Variants in COL6A5 observed in about 807,000 individuals in gnomAD.
COL6A5 encodes the protein collagen type VI alpha 5 chain.
A neutral mutation model predicts 65.6 loss-of-function variants in COL6A5; 48 were observed. The ratio of observed to expected loss-of-function variants is 0.73; its 90% CI spans 0.58 to 0.93. The LOEUF (loss-of-function observed/expected upper bound fraction) is 0.93. Among genes scored for constraint, COL6A5 ranks in the 40% least tolerant of loss-of-function variants. The pLI, the probability that COL6A5 is intolerant of heterozygous loss-of-function variation, is 0.00. For synonymous variants in COL6A5, 291 were observed against 322.8 expected, an observed-to-expected ratio of 0.90 and a Z score of 1.05; for missense variants, 914 against 928.3, an observed-to-expected ratio of 0.98 and a Z score of 0.20.
chr3:130,358,679 A>G (rs1490812063), intron 1 of COL6A5, among the ~76,000 whole-genome samples: 1 of 152,182 alleles, frequency 6.6e-6, no homozygotes, highest in Non-Finnish European at 1.5e-5. Context: ...CAAAACTTCA[A>G]AAGTATGTTG....
At chr3:130,384,782 A>G (rs1297327741) in intron 4 of COL6A5, 22 bp from the exon 5 acceptor site, 1 of 1,500,176 alleles carries the variant, frequency 6.7e-7, no homozygotes. Flanking sequence ...TCTAATTTAC[A>G]GAGAATGCAC....
At chr3:130,396,494 T>C (rs549603465) in intron 8 of COL6A5, among the ~76,000 whole-genome samples, 3 of 152,354 alleles carry the variant, frequency 2.0e-5, no homozygotes, top group African/African-American at 4.8e-5. Flanking sequence ...ATGAACAACC[T>C]GGGCAGGATC....
At chr3:130,427,545 G>A (rs1937630142), upstream of COL6A5, among the ~76,000 whole-genome samples, 1 of 152,076 alleles carries the variant, frequency 6.6e-6, no homozygotes, top group South Asian at 2.1e-4. Context: ...AAGATGATTA[G>A]TTTACATATT....
chr3:130,427,226 T>C (rs1937623297), upstream of COL6A5, among the ~76,000 whole-genome samples: 1 of 152,168 alleles, frequency 6.6e-6, no homozygotes, highest in South Asian at 2.1e-4. Context: ...AAACAAGTAC[T>C]AGAAGCAAAA....
chr3:130,397,197 A>C (rs1559878363), intron 8 of COL6A5, among the ~76,000 whole-genome samples: 1 of 152,188 alleles, frequency 6.6e-6, no homozygotes, highest in African/African-American at 2.4e-5. Flanking sequence ...GACTATGTGA[A>C]TCAAAATATG....
exon 26 of COL6A5, chr3:130,421,177 G>C: frequency 1.3e-6 from 2 of 1,550,638 alleles, no homozygotes; most frequent in Non-Finnish European, 1.7e-6. Context: ...CCCAGGCTAC[G>C]GTCAGATGGG....
intron 1 of COL6A5, among the ~76,000 whole-genome samples, chr3:130,371,910 T>C (rs1348235957): frequency 6.6e-6 from 1 of 152,000 alleles, no homozygotes; most frequent in African/African-American, 2.4e-5. Context: ...ATGGCAGGAG[T>C]ATATTAGCAA....
At chr3:130,362,310 ATATATATATATATATATTTTTTT>A (rs71158191) in intron 1 of COL6A5, among the ~76,000 whole-genome samples, 48,478 of 76,604 alleles carry the variant, frequency 0.63, 12,682 homozygotes, top group Non-Finnish European at 0.68. Context: ...ATATATATAT[ATATATATATATATATATTTTTTT>A]TTTTTTTTTT....
chr3:130,471,901 G>T, intron 7 of COL6A5: 2 of 1,534,754 alleles, frequency 1.3e-6, no homozygotes, highest in African/African-American at 1.4e-5. Context: ...CAGCTCTAGT[G>T]GTTGATAAAC....
exon 3 of COL6A5, chr3:130,440,644 G>T (rs1299021451): frequency 1.2e-6 from 2 of 1,613,418 alleles, no homozygotes; most frequent in Non-Finnish European, 1.7e-6. Flanking sequence ...TGATGGCTTT[G>T]AGGGCTAAGT....
chr3:130,467,120 A>T (rs1013405951), intron 5 of COL6A5, among the ~76,000 whole-genome samples: 7 of 152,138 alleles, frequency 4.6e-5, no homozygotes, highest in African/African-American at 1.7e-4. Flanking sequence ...TTTAATTTTT[A>T]TGAATACATA....
In COL6A5 at chr3:130,382,759, G is replaced by A. The variant is rs115758794; in HGVS notation, c.1301-2045G>A. ...CTACTACATCTGGCACATACTAAGT[G>A]TTCAGTTTTTATTCCATAAAACTTC... On this transcript the variant is annotated intron_variant and NMD_transcript_variant, in intron 4 of 41. Transcript: ENST00000312481. Among the ~76,000 whole-genome samples the A allele has an allele frequency of 5.8e-3, 877 of 152,188 alleles. 8 individuals carry two copies. Among genetic ancestry groups the A allele is most frequent in the African/African-American group, 0.019 (809 of 41,540 alleles).
At chr3:130,435,961 C>G (rs1709018683) in intron 1 of COL6A5, among the ~76,000 whole-genome samples, 1 of 152,052 alleles carries the variant, frequency 6.6e-6, no homozygotes, top group South Asian at 2.1e-4. Context: ...CCAGAACTTC[C>G]TATAATATGT....
intron 1 of COL6A5, among the ~76,000 whole-genome samples, chr3:130,368,271 G>T (rs1034710060): frequency 6.6e-6 from 1 of 152,288 alleles, no homozygotes. Flanking sequence ...TTTATCAGTC[G>T]CAGGATATTC....
chr3:130,391,483 A>G, exon 7 of COL6A5: 2 of 1,551,740 alleles, frequency 1.3e-6, no homozygotes, highest in Admixed American at 2.0e-5. Context: ...TTACAGAGGA[A>G]CATGGCAGCC....
intron 1 of COL6A5, among the ~76,000 whole-genome samples, chr3:130,436,433 A>G (rs546363622): frequency 3.0e-4 from 45 of 152,130 alleles, no homozygotes; most frequent in African/African-American, 8.7e-4. Flanking sequence ...CTTGGCTCCC[A>G]TATAGCAATC....
At chr3:130,393,067 GTTTTTTTT>G (rs59517354) in intron 7 of COL6A5, among the ~76,000 whole-genome samples, 2 of 109,244 alleles carry the variant, frequency 1.8e-5, no homozygotes, top group East Asian at 4.3e-4. Context: ...TGCTTACAGT[GTTTTTTTT>G]TTGTGTGTGT....
chr3:130,401,755 C>T lies in COL6A5; in HGVS notation c.4135-7C>T, dbSNP rs1186191790. 3.2e-6 allele frequency: 5 copies of T among 1,545,124 alleles called. No homozygotes were observed. Among genetic ancestry groups the T allele is most frequent in the African/African-American group, 1.4e-5 (1 of 72,730 alleles). ...CTATTCCCTCAGCTTTACTTTTTTT[C>T]CCCCAGGGAAATATTGCAGAGAGGA... On this transcript the variant is annotated splice_polypyrimidine_tract_variant and splice_region_variant and intron_variant and NMD_transcript_variant, in intron 11 of 41. Transcript: ENST00000312481.
At chr3:130,401,089 C>T (rs1936798385) in exon 11 of COL6A5, 1 of 1,551,052 alleles carries the variant, frequency 6.4e-7, no homozygotes. Context: ...AGTTTTCTAG[C>T]TTTGAATTTG....
Sources: gnomAD v4.1 joint callset for allele counts (sites outside exome capture counted in the v4.1 genomes callset) on GRCh38, gnomAD v4.1.1 for gene constraint, MANE v1.5 for transcripts, NCBI Gene and HGNC (gene_info 2026-07-23, HGNC 2026-07-21) for gene names.